AGO3: variants seen among roughly 807,000 people sequenced by gnomAD.
AGO3 encodes the protein protein argonaute-3.
In AGO3, 16 loss-of-function variants were observed where a neutral mutation model predicts 105.5. The observed-to-expected ratio is 0.15, with a 90% CI of 0.10 to 0.23. AGO3 has a LOEUF of 0.23. Among genes scored for constraint, AGO3 ranks in the 10% least tolerant of loss-of-function variants. The pLI is 1.00. For missense variants in AGO3, 534 were observed against 1,088.0 expected, an observed-to-expected ratio of 0.49 and a Z score of 7.16; for synonymous variants, 340 against 367.3, an observed-to-expected ratio of 0.93 and a Z score of 0.85.
intron 5 of AGO3, among the ~76,000 whole-genome samples, chr1:36,001,789 G>A (rs901348913): frequency 6.6e-6 from 1 of 152,074 alleles, no homozygotes; most frequent in Non-Finnish European, 1.5e-5. Context: ...AGGAGAGGAT[G>A]TATACATACC....
At chr1:36,004,617 A>C (rs1008943372) in intron 6 of AGO3, 142 bp downstream of exon 6, 3 of 768,536 alleles carry the variant, frequency 3.9e-6, no homozygotes, top group Non-Finnish European at 5.5e-6. Flanking sequence ...AAAATATTAC[A>C]TTAAATTCAT....
intron 17 of AGO3, 115 bp from the exon 18 acceptor site, chr1:36,054,831 G>T (rs1447082124): frequency 2.9e-5 from 28 of 953,830 alleles, no homozygotes; most frequent in Non-Finnish European, 4.4e-5. Context: ...GCAGTGATCT[G>T]AGATCACGCC....
chr1:36,028,199 A>G (rs919133753), intron 12 of AGO3, among the ~76,000 whole-genome samples: 19 of 151,986 alleles, frequency 1.3e-4, no homozygotes, highest in Non-Finnish European at 2.5e-4. Flanking sequence ...GTGCCACCAC[A>G]CTGGACTAAT....
At chr1:36,014,675 G>A (rs1640801598) in intron 11 of AGO3, among the ~76,000 whole-genome samples, 1 of 150,126 alleles carries the variant, frequency 6.7e-6, no homozygotes, top group South Asian at 2.1e-4. Flanking sequence ...GGAGGCTGAA[G>A]CAAGAGAATG....
In AGO3 at chr1:36,060,936, C is replaced by G. The variant is rs1643019576; in HGVS notation, c.*5191C>G. ...AGCAGTATAACCCTAATTTAGAACT[C>G]TTGTTTTCCTATTTCAGTCCTCATA... is the stretch of plus-strand genomic sequence containing the variant. On this transcript the variant is annotated 3_prime_UTR_variant, in exon 19 of 19. Coordinates refer to ENST00000373191, the MANE Select transcript of AGO3 (RefSeq NM_024852.4). 6.6e-6 allele frequency: 1 copy of G among 152,146 alleles called. No individual in the cohort carries two copies. Among genetic ancestry groups the G allele is most frequent in the Admixed American group, 6.5e-5 (1 of 15,268 alleles). 9.4% of individuals were successfully genotyped at this position (152,146 alleles called of 1,614,324 possible).
At chr1:36,003,190 T>C (rs1640174139) in intron 5 of AGO3, among the ~76,000 whole-genome samples, 2 of 151,948 alleles carry the variant, frequency 1.3e-5, no homozygotes, top group South Asian at 4.1e-4. Context: ...TGCAACTTAC[T>C]GTCTTATGGT....
intron 1 of AGO3, among the ~76,000 whole-genome samples, chr1:35,931,709 T>G (rs1557636699): frequency 6.6e-6 from 1 of 152,254 alleles, no homozygotes; most frequent in Non-Finnish European, 1.5e-5. Flanking sequence ...TACTCTTTGC[T>G]GGAGTACCCT....
At chr1:35,942,064 C>G (rs1176181716) in intron 1 of AGO3, among the ~76,000 whole-genome samples, 1 of 152,124 alleles carries the variant, frequency 6.6e-6, no homozygotes, top group East Asian at 1.9e-4. Flanking sequence ...AGAGCCAGTA[C>G]TAAGGGCTAG....
intron 11 of AGO3, among the ~76,000 whole-genome samples, chr1:36,020,310 AAATTATGT>A (rs1641150513): frequency 6.6e-6 from 1 of 152,218 alleles, no homozygotes; most frequent in Non-Finnish European, 1.5e-5. Context: ...GAGTTCATTC[AAATTATGT>A]ATCTTAATAG....
intron 1 of AGO3, among the ~76,000 whole-genome samples, chr1:35,939,607 C>T (rs1265878704): frequency 6.6e-6 from 1 of 152,066 alleles, no homozygotes; most frequent in Non-Finnish European, 1.5e-5. Flanking sequence ...TAAAACTTCC[C>T]TAAAATAGTC....
chr1:35,975,285 T>G lies in AGO3; in HGVS notation c.658+1774T>G, dbSNP rs141153156. Among the ~76,000 whole-genome samples, 677 of 152,308 alleles carry G rather than the reference T, an allele frequency of 4.4e-3. 9 individuals carry two copies. The highest frequency in any genetic ancestry group is 0.015 in the African/African-American group (638 of 41,582). On this transcript the variant is annotated intron_variant, in intron 5 of 18. Coordinates refer to ENST00000373191, the MANE Select transcript of AGO3 (RefSeq NM_024852.4). ...AACTCTTAGATTTTCTTCAATCAGA[T>G]TTGCAAGAAACAGTTTTCTTGTGTC... is the stretch of plus-strand genomic sequence containing the variant.
intron 2 of AGO3, among the ~76,000 whole-genome samples, chr1:35,964,773 A>G (rs1571440624): frequency 6.6e-6 from 1 of 152,172 alleles, no homozygotes; most frequent in Middle Eastern, 3.4e-3. Context: ...TTTCTCCACA[A>G]CCTTGCCAAC....
At chr1:36,041,753 A>G (rs1642260240) in intron 16 of AGO3, among the ~76,000 whole-genome samples, 1 of 152,182 alleles carries the variant, frequency 6.6e-6, no homozygotes, top group African/African-American at 2.4e-5. Flanking sequence ...CCTTTGGGCA[A>G]GCAACTTAAC....
intron 17 of AGO3, among the ~76,000 whole-genome samples, chr1:36,044,996 C>T (rs1182679681): frequency 6.6e-6 from 1 of 152,168 alleles, no homozygotes; most frequent in Non-Finnish European, 1.5e-5. Flanking sequence ...TATCTTATAG[C>T]TTTATATGTC....
intron 5 of AGO3, among the ~76,000 whole-genome samples, chr1:35,988,570 A>G (rs1647326447): frequency 2.0e-5 from 3 of 151,722 alleles, no homozygotes; most frequent in Admixed American, 2.0e-4. Flanking sequence ...TTAACATAAT[A>G]TCCTCCAGGT....
intron 14 of AGO3, among the ~76,000 whole-genome samples, chr1:36,039,449 G>T (rs896983623): frequency 6.9e-6 from 1 of 144,026 alleles, no homozygotes; most frequent in Non-Finnish European, 1.5e-5. Flanking sequence ...AGCCGAGATT[G>T]TGCCACTGCA....
intron 8 of AGO3, 130 bp downstream of exon 8, chr1:36,009,174 C>G: frequency 8.5e-7 from 1 of 1,179,296 alleles, no homozygotes; most frequent in Non-Finnish European, 1.1e-6. Context: ...TTAATTTATT[C>G]TAAATTTTCT....
At chr1:35,937,386 CAAAAAAA>C (rs59539094) in intron 1 of AGO3, among the ~76,000 whole-genome samples, 1 of 130,654 alleles carries the variant, frequency 7.7e-6, no homozygotes, top group Non-Finnish European at 1.7e-5. Flanking sequence ...CTGGGCAACT[CAAAAAAA>C]AAAAAAAATT....
In AGO3 at chr1:36,034,328, T is replaced by C; in HGVS notation, c.1746T>C (p.His582=). Reference sequence around the variant, plus strand: ...GGATCAATAATATTCTTGTACCTCATCAAAGGTAAGATATGCTAATCGCTT... The same window carrying C: ...GGATCAATAATATTCTTGTACCTCACCAAAGGTAAGATATGCTAATCGCTT... ...LGGINNILVP[H]QRPSVFQQPV... is the part of the protein sequence containing the mutation. Residue 582 remains histidine (H), a synonymous_variant, in exon 13 of 19, where the codon CAT becomes CAC. Transcript: ENST00000373191. 1 of 1,591,576 alleles carries C rather than the reference T, an allele frequency of 6.3e-7. No individual in the cohort carries two copies. Among genetic ancestry groups the C allele is most frequent in the Non-Finnish European group, 8.5e-7 (1 of 1,171,336 alleles).
Sources: allele counts gnomAD v4.1 joint callset (sites outside exome capture counted in the v4.1 genomes callset), GRCh38; gene constraint gnomAD v4.1.1; transcripts MANE v1.5; gene names NCBI Gene and HGNC (gene_info 2026-07-23, HGNC 2026-07-21).